MYOF: variants seen among roughly 807,000 people sequenced by gnomAD.
The protein encoded by MYOF is fer-1-like 3, myoferlin.
In MYOF, 244 loss-of-function variants were observed where a neutral mutation model predicts 284.2. The ratio of observed to expected loss-of-function variants is 0.86; its 90% CI spans 0.77 to 0.95. MYOF has a LOEUF of 0.95. MYOF is among the 40% of genes least tolerant of loss of function. The probability of loss-of-function intolerance (pLI) is 0.00; values close to 1 mark genes in which losing one functional copy is unlikely to be tolerated. For synonymous variants in MYOF, 904 were observed against 919.7 expected (o/e 0.98, Z 0.31); for missense variants, 2,496 against 2,560.6 (o/e 0.97, Z 0.54).
At chr10:93,307,124 T>C in intron 53 of MYOF, 123 bp from the exon 54 acceptor site, 2 of 864,374 alleles carry the variant, frequency 2.3e-6, no homozygotes, top group Non-Finnish European at 3.6e-6. Flanking sequence ...TGTTGGGGAG[T>C]GTCCTGTGCA....
At chr10:93,309,525 T>C (rs889972870) in intron 53 of MYOF, among the ~76,000 whole-genome samples, 2 of 152,038 alleles carry the variant, frequency 1.3e-5, no homozygotes, top group Admixed American at 1.3e-4. Flanking sequence ...AGAAACAAAA[T>C]TGGCAAAGGC....
intron 1 of MYOF, among the ~76,000 whole-genome samples, chr10:93,479,449 G>A (rs148829581): frequency 0.011 from 1,644 of 152,246 alleles, 17 homozygotes; most frequent in Non-Finnish European, 0.017. Flanking sequence ...TCAAAATTGG[G>A]AACACACCTG....
intron 5 of MYOF, among the ~76,000 whole-genome samples, chr10:93,410,720 C>G (rs1207003954): frequency 6.6e-6 from 1 of 152,206 alleles, no homozygotes; most frequent in Non-Finnish European, 1.5e-5. Context: ...ACAATATAAT[C>G]TAAGAGAGCC....
At chr10:93,456,406 G>A (rs949089922) in intron 2 of MYOF, among the ~76,000 whole-genome samples, 5 of 152,148 alleles carry the variant, frequency 3.3e-5, no homozygotes, top group African/African-American at 1.2e-4. Context: ...AAGCATACTG[G>A]ACATCACTTT....
At chr10:93,468,414 A>G (rs72819069) in intron 1 of MYOF, among the ~76,000 whole-genome samples, 15,480 of 152,286 alleles carry the variant, frequency 0.1, 1,023 homozygotes, top group Non-Finnish European at 0.14. Flanking sequence ...CCCAAGACAC[A>G]GGGGACATTA....
At chr10:93,341,818 A>G (rs1246579467) in intron 38 of MYOF, 1 of 824,276 alleles carries the variant, frequency 1.2e-6, no homozygotes, top group Non-Finnish European at 1.7e-6. Context: ...TCACTCCAAA[A>G]TCTACTAATG....
At chr10:93,384,844 G>A (rs1028242703) in intron 19 of MYOF, among the ~76,000 whole-genome samples, 1 of 152,184 alleles carries the variant, frequency 6.6e-6, no homozygotes, top group Non-Finnish European at 1.5e-5. Context: ...AAGAGTTGTT[G>A]AAAGTGGCTG....
At position 93,482,288 on chromosome 10, in the gene MYOF, TC is replaced by T; in HGVS notation, c.-95del. On this transcript the variant is annotated 5_prime_UTR_variant, in exon 1 of 54. Coordinates refer to ENST00000359263, the MANE Select transcript of MYOF (RefSeq NM_013451.4). Reference sequence around the variant, plus strand: ...GCACCGCCCTGGGAGAGAAGTTCTCTCCCAGTGAAGGGAGGATTTCTCCCAG... The same window carrying T: ...GCACCGCCCTGGGAGAGAAGTTCTCTCCAGTGAAGGGAGGATTTCTCCCAG... 1 of 1,076,554 alleles carries T rather than the reference TC, an allele frequency of 9.3e-7. No homozygotes were observed. Among genetic ancestry groups the T allele is most frequent in the Non-Finnish European group, 1.4e-6 (1 of 720,662 alleles). The allele number at this position is 1,076,554 out of a possible 1,614,324, so 66.7% of individuals were successfully genotyped here. A position where few individuals can be genotyped will look rare whatever the true frequency, so the allele number is the denominator to read the frequency against.
chr10:93,416,311 G>T (rs1359334537), intron 5 of MYOF, among the ~76,000 whole-genome samples: 1 of 152,082 alleles, frequency 6.6e-6, no homozygotes, highest in Non-Finnish European at 1.5e-5. Context: ...GAGGTCAGGA[G>T]TTCAAGACCA....
intron 7 of MYOF, among the ~76,000 whole-genome samples, chr10:93,406,128 T>C (rs1026740120): frequency 1.3e-5 from 2 of 150,462 alleles, no homozygotes; most frequent in African/African-American, 4.9e-5. Context: ...CGGCTAATTG[T>C]TTGTATTTTT....
rs766515014 is a variant in MYOF, at chr10:93,396,224, C to G, written c.1335G>C (p.Trp445Cys). The G allele has an allele frequency of 6.3e-7, 1 of 1,576,252 alleles. No homozygotes were observed. The highest frequency in any genetic ancestry group is 1.4e-5 in the African/African-American group (1 of 73,014). Residue 445 changes from tryptophan to cysteine, a missense_variant and splice_region_variant, in exon 16 of 54, where the codon TGG becomes TGC. Coordinates refer to ENST00000359263, the MANE Select transcript of MYOF (RefSeq NM_013451.4). Reference protein sequence around the residue: ...CEKIKLTIYDWDRLTKNDVVG... With the variant: ...CEKIKLTIYDCDRLTKNDVVG... ...CTACATCATTTTTAGTAAGACGGTC[C>G]CTGTGTAAAAAATAAAAATAAAAAA...
At chr10:93,349,381 C>A (rs1370974311) in intron 36 of MYOF, among the ~76,000 whole-genome samples, 1 of 152,186 alleles carries the variant, frequency 6.6e-6, no homozygotes, top group East Asian at 1.9e-4. Context: ...GGCCCTATCA[C>A]CCCATATACC....
chr10:93,354,703 T>TCTCTC (rs1243618498), intron 31 of MYOF, among the ~76,000 whole-genome samples: 859 of 70,702 alleles, frequency 0.012, 18 homozygotes, highest in African/African-American at 0.028. Flanking sequence ...CTCTCTCTCT[T>TCTCTC]TGTGAGATAG....
At chr10:93,347,056 G>C (rs966665360) in intron 37 of MYOF, among the ~76,000 whole-genome samples, 2 of 152,192 alleles carry the variant, frequency 1.3e-5, no homozygotes, top group South Asian at 2.1e-4. Context: ...ACGCTTCAGA[G>C]AGGAATCCCT....
intron 1 of MYOF, among the ~76,000 whole-genome samples, chr10:93,465,538 C>CTTTTTTTTTTTTTTTTTTTTTTTTT (rs71031511): frequency 4.5e-4 from 51 of 112,160 alleles, no homozygotes; most frequent in Non-Finnish European, 7.3e-4. Flanking sequence ...TTTTTCTTTT[C>CTTTTTTTTTTTTTTTTTTTTTTTTT]TTTTTTTTTT....
chr10:93,455,013 A>T (rs1361073714), intron 2 of MYOF, among the ~76,000 whole-genome samples: 1 of 143,018 alleles, frequency 7.0e-6, no homozygotes, highest in Non-Finnish European at 1.5e-5. Context: ...AAAAAAAAAA[A>T]GGCCAGCCGT....
chr10:93,388,912 C>G, intron 18 of MYOF, 118 bp downstream of exon 18: 1 of 1,316,690 alleles, frequency 7.6e-7, no homozygotes. Context: ...CCTATCTTTG[C>G]ATTCTAAGTC....
intron 12 of MYOF, among the ~76,000 whole-genome samples, chr10:93,400,305 T>C (rs1239292179): frequency 6.7e-6 from 1 of 149,742 alleles, no homozygotes; most frequent in Non-Finnish European, 1.5e-5. Context: ...TTATTTTATG[T>C]ATTTCTTTCT....
chr10:93,327,072 T>C (rs1843081237), intron 45 of MYOF, among the ~76,000 whole-genome samples: 1 of 152,036 alleles, frequency 6.6e-6, no homozygotes. Flanking sequence ...CTCCAAGGCT[T>C]AGACACAAAA....
Sources: allele counts gnomAD v4.1 joint callset (sites outside exome capture counted in the v4.1 genomes callset), GRCh38; gene constraint gnomAD v4.1.1; transcripts MANE v1.5; gene names NCBI Gene and HGNC (gene_info 2026-07-23, HGNC 2026-07-21).